QKI: variants seen among roughly 807,000 people sequenced by gnomAD.
The protein encoded by QKI is QKI, KH domain containing RNA binding.
A neutral mutation model predicts 39.0 loss-of-function variants in QKI; 10 were observed. The observed-to-expected ratio is 0.26, with a 90% CI of 0.16 to 0.43. The LOEUF (loss-of-function observed/expected upper bound fraction) is 0.43, where lower values mean the gene tolerates loss of function less well. Ranked by LOEUF, QKI falls within the 20% of genes least tolerant of loss-of-function variation. The pLI is 1.00. For missense variants in QKI, 218 were observed against 428.0 expected (o/e 0.51, Z 4.33); for synonymous variants, 204 against 155.4 (o/e 1.31, Z -2.33).
Position 163,414,786 on chromosome 6 carries a change from C to A in QKI, c.-408C>A. ...ACCAGCCCAGAGAGACCCCCCGAGCCCGCGGCACAGGCGGCGGCGGCGCTG... is the reference window on the plus strand; with the variant it reads ...ACCAGCCCAGAGAGACCCCCCGAGCACGCGGCACAGGCGGCGGCGGCGCTG... On this transcript the variant is annotated 5_prime_UTR_variant, in exon 1 of 8. Coordinates refer to ENST00000361752, the MANE Select transcript of QKI (RefSeq NM_006775.3). 1 of 147,258 alleles carries A rather than the reference C, an allele frequency of 6.8e-6. No homozygotes were observed. The highest frequency in any genetic ancestry group is 2.0e-4 in the South Asian group (1 of 4,998). 9.1% of individuals were successfully genotyped at this position (147,258 alleles called of 1,614,324 possible).
chr6:163,441,624 G>A (rs1224864061), intron 1 of QKI, among the ~76,000 whole-genome samples: 1 of 152,192 alleles, frequency 6.6e-6, no homozygotes, highest in Non-Finnish European at 1.5e-5. Flanking sequence ...AAGGGGATCT[G>A]GAGTGTTCCT....
intron 3 of QKI, among the ~76,000 whole-genome samples, chr6:163,514,838 T>C (rs1779694193): frequency 2.0e-5 from 3 of 152,160 alleles, no homozygotes; most frequent in Admixed American, 1.3e-4. Flanking sequence ...TATGACTTCA[T>C]TGTAAAGCAG....
intron 3 of QKI, among the ~76,000 whole-genome samples, chr6:163,494,516 A>G (rs1386107713): frequency 7.9e-5 from 12 of 152,348 alleles, no homozygotes; most frequent in Middle Eastern, 3.4e-3. Context: ...CACAGTGGCA[A>G]TAAAAATCTG....
chr6:163,426,862 AT>A (rs1413942297), intron 1 of QKI, among the ~76,000 whole-genome samples: 24 of 152,162 alleles, frequency 1.6e-4, no homozygotes, highest in African/African-American at 5.8e-4. Flanking sequence ...CTCTTTTCTA[AT>A]CATCTTTGTA....
chr6:163,577,886 A>G lies in QKI; in HGVS notation c.*7176A>G, dbSNP rs924532443. 1.3e-5 allele frequency: 2 copies of G among 152,170 alleles called. No individual in the cohort carries two copies. The highest frequency in any genetic ancestry group is 4.8e-5 in the African/African-American group (2 of 41,448). The allele number at this position is 152,170 out of a possible 1,614,324, so 9.4% of individuals were successfully genotyped here. ...CACTAGACATTTGGATTTCCTTCCT[A>G]ACGTAATTTTTAATGATTACCCCTT... On this transcript the variant is annotated 3_prime_UTR_variant, in exon 8 of 8. Coordinates refer to ENST00000361752, the MANE Select transcript of QKI (RefSeq NM_006775.3).
At chr6:163,466,585 A>C (rs1156497255) in intron 2 of QKI, among the ~76,000 whole-genome samples, 4 of 152,052 alleles carry the variant, frequency 2.6e-5, no homozygotes, top group African/African-American at 9.7e-5. Context: ...TATAGAGTCA[A>C]CTAATCTTTG....
chr6:163,446,726 A>G (rs754114251), intron 1 of QKI, among the ~76,000 whole-genome samples: 2 of 152,224 alleles, frequency 1.3e-5, no homozygotes, highest in Non-Finnish European at 2.9e-5. Context: ...AACAAAAGTC[A>G]GTTTAAATGA....
chr6:163,465,236 G>A (rs1343066709), intron 2 of QKI, among the ~76,000 whole-genome samples: 3 of 152,108 alleles, frequency 2.0e-5, no homozygotes, highest in African/African-American at 7.2e-5. Flanking sequence ...ATACTTAATG[G>A]TGAAAAGCTG....
intron 6 of QKI, chr6:163,565,543 G>A (rs2128251372): frequency 1.0e-6 from 1 of 990,464 alleles, no homozygotes; most frequent in South Asian, 4.6e-5. Context: ...TCTTTTGTTT[G>A]TTGGAAAATT....
intron 4 of QKI, among the ~76,000 whole-genome samples, chr6:163,560,310 CT>C (rs1344452658): frequency 1.3e-5 from 2 of 152,132 alleles, no homozygotes; most frequent in East Asian, 3.9e-4. Context: ...ATTGCAGCCT[CT>C]TTTTTCATCA....
intron 3 of QKI, among the ~76,000 whole-genome samples, chr6:163,492,086 GCT>G (rs1583086708): frequency 6.6e-6 from 1 of 152,160 alleles, no homozygotes; most frequent in East Asian, 1.9e-4. Flanking sequence ...AGAGGATTCA[GCT>G]CTCTGTTGAC....
chr6:163,427,319 T>G (rs190927704), intron 1 of QKI, among the ~76,000 whole-genome samples: 1 of 151,570 alleles, frequency 6.6e-6, no homozygotes, highest in Admixed American at 6.6e-5. Flanking sequence ...TTATTTGCTT[T>G]ATTCTACAAT....
At chr6:163,516,981 A>G (rs1334863495) in intron 3 of QKI, among the ~76,000 whole-genome samples, 1 of 151,984 alleles carries the variant, frequency 6.6e-6, no homozygotes, top group Non-Finnish European at 1.5e-5. Context: ...AATTTTTATG[A>G]AGGTGAAGCT....
chr6:163,547,613 TC>T, intron 4 of QKI, among the ~76,000 whole-genome samples: 1 of 152,276 alleles, frequency 6.6e-6, no homozygotes, highest in Admixed American at 6.5e-5. Context: ...TTCCTTGCCC[TC>T]CCCGTATCAC....
intron 6 of QKI, chr6:163,564,774 C>G: frequency 1.2e-6 from 2 of 1,612,012 alleles, no homozygotes; most frequent in Non-Finnish European, 8.5e-7. Flanking sequence ...GTGGAACAAA[C>G]TGTTTCTGTG....
intron 7 of QKI, chr6:163,567,839 A>G (rs1783459843): frequency 1.0e-6 from 1 of 984,874 alleles, no homozygotes; most frequent in South Asian, 4.7e-5. Flanking sequence ...CTTCAATTGT[A>G]CATCTTCTAT....
At chr6:163,462,934 T>G (rs1235832738) in intron 2 of QKI, among the ~76,000 whole-genome samples, 1 of 152,210 alleles carries the variant, frequency 6.6e-6, no homozygotes, top group Non-Finnish European at 1.5e-5. Context: ...GTATTGCCAT[T>G]CGTTGAGAAT....
chr6:163,458,379 A>G (rs914264000), intron 2 of QKI, among the ~76,000 whole-genome samples: 3 of 152,192 alleles, frequency 2.0e-5, no homozygotes, highest in Non-Finnish European at 4.4e-5. Flanking sequence ...ATGTGTCACA[A>G]GCTCTATGAG....
intron 2 of QKI, among the ~76,000 whole-genome samples, chr6:163,466,430 C>T (rs1791759662): frequency 8.4e-6 from 1 of 119,100 alleles, no homozygotes; most frequent in Non-Finnish European, 1.7e-5. Context: ...ACAGAAAGCA[C>T]CTAATCGCCA....
Sources: allele counts gnomAD v4.1 joint callset (sites outside exome capture counted in the v4.1 genomes callset), GRCh38; gene constraint gnomAD v4.1.1; transcripts MANE v1.5; gene names NCBI Gene and HGNC (gene_info 2026-07-23, HGNC 2026-07-21).